The following KRT73 variants were observed in gnomAD, a reference collection of about 807,000 sequenced individuals.
The protein encoded by KRT73 is keratin, type II cytoskeletal 73.
In KRT73, 44 loss-of-function variants were observed where a neutral mutation model predicts 47.2. The observed-to-expected ratio is 0.93, with a 90% CI of 0.73 to 1.20. The LOEUF (loss-of-function observed/expected upper bound fraction) is 1.20. Among genes scored for constraint, KRT73 ranks in the 50% most tolerant of loss-of-function variants. KRT73 has a pLI of 0.00. For missense variants in KRT73, 713 were observed against 704.5 expected (o/e 1.01, Z -0.14); for synonymous variants, 285 against 291.3 (o/e 0.98, Z 0.22).
At position 52,615,353 on chromosome 12, in the gene KRT73, A is replaced by T. The variant is rs933765140; in HGVS notation, c.663-14T>A. On this transcript the variant is annotated splice_polypyrimidine_tract_variant and intron_variant, in intron 2 of 8. Transcript: ENST00000305748. Reference sequence around the variant, plus strand: ...TCTTCTTCATACCTGCAGGGAAAGCATCACAGGAAGCAGAGTGTGTGTCTG... The same window carrying T: ...TCTTCTTCATACCTGCAGGGAAAGCTTCACAGGAAGCAGAGTGTGTGTCTG... 6.2e-7 allele frequency: 1 copy of T among 1,612,242 alleles called. No homozygotes were observed. Among genetic ancestry groups the T allele is most frequent in the East Asian group, 2.2e-5 (1 of 44,882 alleles).
chr12:52,624,322 C>A, the KRT73 span, among the ~76,000 whole-genome samples: 1 of 152,110 alleles, frequency 6.6e-6, no homozygotes, highest in East Asian at 1.9e-4. Context: ...GTTAAGGACT[C>A]CAATATTCCT....
At position 52,618,530 on chromosome 12, in the gene KRT73, G is replaced by A; in HGVS notation, c.-6C>T. 2 of 1,590,308 alleles carry A rather than the reference G, an allele frequency of 1.3e-6. No individual in the cohort carries two copies. The highest frequency in any genetic ancestry group is 1.1e-5 in the South Asian group (1 of 87,352). On this transcript the variant is annotated 5_prime_UTR_variant, in exon 1 of 9. Coordinates refer to ENST00000305748, the MANE Select transcript of KRT73 (RefSeq NM_175068.3). ...TAGGTGAATTGGCGGCTCATGGTGGGGAGGCCAGAAAGTGGGGATAAGATG... is the reference window on the plus strand; with the variant it reads ...TAGGTGAATTGGCGGCTCATGGTGGAGAGGCCAGAAAGTGGGGATAAGATG...
At chr12:52,627,109 C>T in the KRT73 span, among the ~76,000 whole-genome samples, 3 of 152,244 alleles carry the variant, frequency 2.0e-5, no homozygotes, top group Admixed American at 1.3e-4. Flanking sequence ...TACAGCACCT[C>T]TACTTAAACA....
the KRT73 span, among the ~76,000 whole-genome samples, chr12:52,624,877 T>C: frequency 2.6e-5 from 4 of 151,810 alleles, no homozygotes; most frequent in South Asian, 2.1e-4. Flanking sequence ...CAAAAATAAT[T>C]CAGTGGAAGA....
intron 5 of KRT73, 32 bp downstream of exon 5, chr12:52,613,656 A>G: frequency 6.2e-7 from 1 of 1,612,804 alleles, no homozygotes; most frequent in Non-Finnish European, 8.5e-7. Context: ...AGGGCCCTGC[A>G]TACTTCACTA....
chr12:52,609,394 C>T, intron 7 of KRT73, 113 bp from the exon 8 acceptor site: 1 of 852,160 alleles, frequency 1.2e-6, no homozygotes, highest in South Asian at 1.3e-5. Context: ...CCTTCACGCA[C>T]CCCACACTTG....
intron 6 of KRT73, 31 bp downstream of exon 6, chr12:52,611,173 A>T: frequency 6.2e-7 from 1 of 1,613,154 alleles, no homozygotes. Context: ...CTCCCTTAGG[A>T]GTGAGTAAGG....
chr12:52,613,781 C>T lies in KRT73; in HGVS notation c.891G>A (p.Leu297=). Residue 297 remains leucine, a synonymous_variant, in exon 5 of 9, where the codon CTG becomes CTA. Transcript: ENST00000305748. ...IILSMDNNRN[L]DLDSIIAEVR... The stretch of plus-strand genomic sequence containing the variant: ...CCTCAGCAATGATGCTGTCCAGGTC[C>T]AGGTTCCGGTTGTTGTCCATGGACA... 6.2e-7 allele frequency: 1 copy of T among 1,614,218 alleles called. No individual in the cohort carries two copies. The highest frequency in any genetic ancestry group is 1.3e-5 in the African/African-American group (1 of 75,058).
At chr12:52,630,652 C>G in the KRT73 span, among the ~76,000 whole-genome samples, 2 of 152,328 alleles carry the variant, frequency 1.3e-5, no homozygotes, top group East Asian at 1.9e-4. Context: ...ACTCTCCCCC[C>G]TCCAAAGGCT....
the KRT73 span, among the ~76,000 whole-genome samples, chr12:52,624,527 A>G: frequency 1.3e-5 from 2 of 152,214 alleles, no homozygotes; most frequent in African/African-American, 2.4e-5. Context: ...ATAAACCTCA[A>G]CAAGTTGTAA....
Position 52,617,611 on chromosome 12 carries a change from G to C in KRT73, c.447+467C>G, listed in dbSNP as rs114509151. ...GTCGCATGGCAGTCTAGATGCCCCA[G>C]GCTGTCAAGGGCATCTCCTTCGCCT... On this transcript the variant is annotated intron_variant, in intron 1 of 8. Coordinates refer to ENST00000305748, the MANE Select transcript of KRT73 (RefSeq NM_175068.3). 5.6e-3 allele frequency among the ~76,000 whole-genome samples: 858 copies of C among 152,278 alleles called. 5 individuals carry two copies. Among genetic ancestry groups the C allele is most frequent in the African/African-American group, 0.019 (793 of 41,542 alleles).
At chr12:52,610,559 T>A in intron 7 of KRT73, 56 bp downstream of exon 7, 4 of 329,590 alleles carry the variant, frequency 1.2e-5, no homozygotes, top group Non-Finnish European at 1.6e-5. Flanking sequence ...AACCACACTC[T>A]GGGAAACTTT....
At chr12:52,620,647 T>C (rs922350889), upstream of KRT73, among the ~76,000 whole-genome samples, 2 of 152,046 alleles carry the variant, frequency 1.3e-5, no homozygotes, top group Admixed American at 6.6e-5. Flanking sequence ...CTCTGCAGTA[T>C]GGCGTGGATG....
At chr12:52,617,805 C>T (rs952128094) in intron 1 of KRT73, among the ~76,000 whole-genome samples, 2 of 152,216 alleles carry the variant, frequency 1.3e-5, no homozygotes, top group African/African-American at 4.8e-5. Context: ...TGGGCTATGT[C>T]TGCATCCTGG....
rs1451533573 is a variant in KRT73 at position 52,614,560 on chromosome 12, G to A, written c.819+19C>T. ...CCTTCCAGAAGACAGAGCCAGAGGT[G>A]GGGCAGGGGGAGCCTTACCCCCTCG... On this transcript the variant is annotated intron_variant, in intron 4 of 8. Coordinates refer to ENST00000305748, the MANE Select transcript of KRT73 (RefSeq NM_175068.3). 1 of 1,599,766 alleles carries A rather than the reference G, an allele frequency of 6.3e-7. No homozygotes were observed. Among genetic ancestry groups the A allele is most frequent in the African/African-American group, 1.3e-5 (1 of 74,406 alleles).
chr12:52,609,126 G>A (rs1169574406), intron 8 of KRT73, 121 bp downstream of exon 8: 1 of 842,228 alleles, frequency 1.2e-6, no homozygotes. Flanking sequence ...AGGTGAGTAT[G>A]TGACCAAGTG....
chr12:52,617,866 T>G (rs914919375), intron 1 of KRT73, among the ~76,000 whole-genome samples: 2 of 152,174 alleles, frequency 1.3e-5, no homozygotes, highest in African/African-American at 2.4e-5. Context: ...CCAAGGACAA[T>G]GAAGGCGGGG....
the KRT73 span, among the ~76,000 whole-genome samples, chr12:52,625,448 C>T: frequency 6.6e-6 from 1 of 152,158 alleles, no homozygotes; most frequent in Non-Finnish European, 1.5e-5. Flanking sequence ...TACTCAACAC[C>T]TATCAGAATG....
chr12:52,630,448 T>G, the KRT73 span, among the ~76,000 whole-genome samples: 1 of 152,208 alleles, frequency 6.6e-6, no homozygotes, highest in South Asian at 2.1e-4. Flanking sequence ...CTTGCCCTTC[T>G]GCTCTGCCTC....
Sources: allele counts gnomAD v4.1 joint callset (sites outside exome capture counted in the v4.1 genomes callset), GRCh38; gene constraint gnomAD v4.1.1; transcripts MANE v1.5; gene names NCBI Gene and HGNC (gene_info 2026-07-23, HGNC 2026-07-21).